Variants in ZNF558 observed in about 807,000 individuals in gnomAD.
ZNF558 encodes the protein zinc finger protein 558.
ZNF558 carries 23 observed loss-of-function variants against 37.6 expected under a neutral mutation model. The ratio of observed to expected loss-of-function variants is 0.61; its 90% CI spans 0.44 to 0.87. ZNF558 has a LOEUF of 0.87. Among genes scored for constraint, ZNF558 ranks in the 40% least tolerant of loss-of-function variants. The pLI is 0.00. For synonymous variants in ZNF558, 189 were observed against 174.4 expected (o/e 1.08, Z -0.66); for missense variants, 429 against 483.7 (o/e 0.89, Z 1.06).
intron 4 of ZNF558, chr19:8,823,689 AC>A (rs1362044573): frequency 2.4e-5 from 3 of 127,188 alleles, no homozygotes; most frequent in African/African-American, 9.4e-5. Flanking sequence ...TTTCATCCTC[AC>A]CCAGCTTGGA....
chr19:8,836,709 C>T (rs774267280), upstream of ZNF558, among the ~76,000 whole-genome samples: 14 of 152,172 alleles, frequency 9.2e-5, no homozygotes, highest in Non-Finnish European at 1.6e-4. Flanking sequence ...AGAGGCTAGT[C>T]TCGAACTCCT....
At chr19:8,823,740 C>A (rs2044163454) in intron 4 of ZNF558, 3 of 152,138 alleles carry the variant, frequency 2.0e-5, no homozygotes, top group Admixed American at 6.6e-5. Context: ...CTCCTCCCTA[C>A]CCCCCACTGT....
At chr19:8,812,792 TA>T (rs35792711) in intron 8 of ZNF558, 149 bp from the exon 9 acceptor site, 2 of 553,708 alleles carry the variant, frequency 3.6e-6, no homozygotes, top group Non-Finnish European at 3.1e-6. Context: ...GTATTAATTT[TA>T]AAAAAGGATT....
intron 7 of ZNF558, among the ~76,000 whole-genome samples, chr19:8,815,537 T>C (rs1012607951): frequency 6.6e-6 from 1 of 152,024 alleles, no homozygotes; most frequent in African/African-American, 2.4e-5. Context: ...TCCCAGCATT[T>C]TGGGAGGCTG....
chr19:8,822,636 C>A lies in ZNF558; in HGVS notation c.24G>T (p.Ser8=), dbSNP rs773406354. The change falls in exon 5 of 10, where the codon TCG becomes TCT. Residue 8 remains serine (S), a synonymous_variant. Coordinates refer to ENST00000601372, the MANE Select transcript of ZNF558 (RefSeq NM_144693.3). This position sits in a 1 kb window ranked among gnomAD's most constrained non-coding sequence, Gnocchi z 4.4. MAAVILP[S]TAAPSSLFPA... ...CAGGACCCCACGACTCACCAGCAGT[C>A]GAGGGCAGGATGACAGCCGCCATCC... 8.1e-6 allele frequency: 13 copies of A among 1,614,038 alleles called. No individual in the cohort carries two copies. Among genetic ancestry groups the A allele is most frequent in the Non-Finnish European group, 1.0e-5 (12 of 1,179,988 alleles).
At chr19:8,832,520 G>C (rs542092562), upstream of ZNF558, 82 of 153,136 alleles carry the variant, frequency 5.4e-4, 1 homozygote, top group Non-Finnish European at 1.1e-3. Flanking sequence ...GGCAGTAGCG[G>C]GGGTAAGGTT....
intron 7 of ZNF558, among the ~76,000 whole-genome samples, chr19:8,813,820 C>T: frequency 6.6e-6 from 1 of 152,172 alleles, no homozygotes; most frequent in East Asian, 1.9e-4. Context: ...AACTTTTAAC[C>T]ATGAAGAATA....
Position 8,822,617 on chromosome 19 carries a change from C to G in ZNF558, c.31+12G>C, listed in dbSNP as rs748987942. 3 of 1,614,072 alleles carry G rather than the reference C, an allele frequency of 1.9e-6. No individual in the cohort carries two copies. Among genetic ancestry groups the G allele is most frequent in the Non-Finnish European group, 1.7e-6 (2 of 1,179,974 alleles). ...GCTGGACTCTGAGAAATGTCAGGAC[C>G]CCACGACTCACCAGCAGTCGAGGGC... On this transcript the variant is annotated intron_variant, in intron 5 of 9. Transcript: ENST00000601372. The surrounding 1 kb of genome is among the most constrained non-coding windows in gnomAD (Gnocchi z 4.4).
upstream of ZNF558, among the ~76,000 whole-genome samples, chr19:8,833,726 C>G (rs571723821): frequency 6.6e-6 from 1 of 151,284 alleles, no homozygotes; most frequent in Non-Finnish European, 1.5e-5. Flanking sequence ...TGGTGGCTTA[C>G]GCTTGTAATC....
chr19:8,836,215 G>T (rs947762304), upstream of ZNF558, among the ~76,000 whole-genome samples: 2 of 152,144 alleles, frequency 1.3e-5, no homozygotes, highest in Non-Finnish European at 2.9e-5. Context: ...AAATTCTTCA[G>T]TTAGGCATAA....
chr19:8,811,206 C>G lies in ZNF558; in HGVS notation c.*75G>C, dbSNP rs538281313. ...TGCTGCAACAAATAACTTATATATC[C>G]AGTGTGAGCTCTCTCAAACTATCTT... is the stretch of plus-strand genomic sequence containing the variant. On this transcript the variant is annotated 3_prime_UTR_variant, in exon 10 of 10. Transcript: ENST00000601372. 7.1e-7 allele frequency: 1 copy of G among 1,417,286 alleles called. No individual in the cohort carries two copies. The highest frequency in any genetic ancestry group is 1.4e-5 in the South Asian group (1 of 69,068). 87.8% of individuals were successfully genotyped at this position (1,417,286 alleles called of 1,614,324 possible).
chr19:8,813,211 T>C lies in ZNF558; in HGVS notation c.259A>G (p.Asn87Asp). Residue 87 changes from asparagine to aspartate, a missense_variant, in exon 8 of 10, where the codon AAT (asparagine) becomes GAT (aspartate). By Grantham distance (23) the Asn-to-Asp change is conservative (BLOSUM62 1). Coordinates refer to ENST00000601372, the MANE Select transcript of ZNF558 (RefSeq NM_144693.3). ...AACTGGGATATCAGACTGGGTTTAT[T>C]AACACGACACCCTATTTATGGAAAC... is the stretch of plus-strand genomic sequence containing the variant. ...RNLASLGCRV[N>D]KPSLISQLEQ... is the part of the protein sequence containing the mutation. 6.3e-7 allele frequency: 1 copy of C among 1,591,960 alleles called. No individual in the cohort carries two copies. Among genetic ancestry groups the C allele is most frequent in the Non-Finnish European group, 8.6e-7 (1 of 1,167,954 alleles).
At chr19:8,833,442 TCTC>T (rs2044410444), upstream of ZNF558, 1 of 152,234 alleles carries the variant, frequency 6.6e-6, no homozygotes, top group Non-Finnish European at 1.5e-5. Context: ...AAAATAATTT[TCTC>T]CTCTATCTTT....
chr19:8,827,557 C>T (rs1408521079), intron 2 of ZNF558, among the ~76,000 whole-genome samples: 4 of 146,628 alleles, frequency 2.7e-5, no homozygotes, highest in Non-Finnish European at 6.0e-5. Flanking sequence ...CTTGGTCACA[C>T]TTCTTTCCCT....
At chr19:8,834,624 A>T, upstream of ZNF558, among the ~76,000 whole-genome samples, 1 of 151,412 alleles carries the variant, frequency 6.6e-6, no homozygotes, top group African/African-American at 2.4e-5. Flanking sequence ...AAACAAACCA[A>T]AACCAAAAAA....
At position 8,822,833 on chromosome 19, in the gene ZNF558, C is replaced by T. The variant is rs981346967; in HGVS notation, c.-65-109G>A. 1.7e-5 allele frequency: 17 copies of T among 974,012 alleles called. No homozygotes were observed. Among genetic ancestry groups the T allele is most frequent in the African/African-American group, 9.7e-5 (6 of 61,964 alleles). The allele number at this position is 974,012 out of a possible 1,614,324, so 60.3% of individuals were successfully genotyped here. A position where few individuals can be genotyped will look rare whatever the true frequency, so the allele number is the denominator to read the frequency against. On this transcript the variant is annotated intron_variant, in intron 4 of 9. Transcript: ENST00000601372. This position sits in a 1 kb window ranked among gnomAD's most constrained non-coding sequence, Gnocchi z 4.4. The stretch of plus-strand genomic sequence containing the variant: ...CCCATCCTTCTTCAAATGCAAGTTC[C>T]GGCTTCCACACTGGGCCTTTATTTT...
At chr19:8,829,902 A>C (rs757442526) in intron 2 of ZNF558, among the ~76,000 whole-genome samples, 4 of 152,230 alleles carry the variant, frequency 2.6e-5, no homozygotes, top group African/African-American at 7.2e-5. Context: ...ATTCTCTGCA[A>C]TATGAATCAC....
At chr19:8,817,895 C>A (rs190891890) in intron 7 of ZNF558, among the ~76,000 whole-genome samples, 1 of 152,096 alleles carries the variant, frequency 6.6e-6, no homozygotes, top group Non-Finnish European at 1.5e-5. Context: ...TCGTTTGAGA[C>A]TTCAATACTC....
chr19:8,826,682 T>TG (rs1329490852), intron 2 of ZNF558, among the ~76,000 whole-genome samples: 4 of 152,150 alleles, frequency 2.6e-5, no homozygotes. Context: ...CACTGGTCCG[T>TG]GGCCCAGGGG....
Sources: allele counts gnomAD v4.1 joint callset (sites outside exome capture counted in the v4.1 genomes callset), GRCh38; gene constraint gnomAD v4.1.1; non-coding constraint Gnocchi (gnomAD v3.1); transcripts MANE v1.5; gene names NCBI Gene and HGNC (gene_info 2026-07-23, HGNC 2026-07-21).